ZDHHC20: variants seen among roughly 807,000 people sequenced by gnomAD.
The protein encoded by ZDHHC20 is zDHHC palmitoyltransferase 20.
ZDHHC20 carries 43 observed loss-of-function variants against 57.8 expected under a neutral mutation model. The observed-to-expected ratio is 0.74, with a 90% confidence interval of 0.58 to 0.96. ZDHHC20 has a LOEUF of 0.96. ZDHHC20 is among the 40% of genes least tolerant of loss of function. The pLI is 0.00. For synonymous variants in ZDHHC20, 157 were observed against 153.0 expected (o/e 1.03, Z -0.19); for missense variants, 391 against 441.1 (o/e 0.89, Z 1.02).
chr13:21,433,707 C>T (rs942344720), intron 1 of ZDHHC20, among the ~76,000 whole-genome samples: 1 of 152,114 alleles, frequency 6.6e-6, no homozygotes, highest in African/African-American at 2.4e-5. Context: ...CTGGCTGATG[C>T]CTGGATTTTG....
intron 4 of ZDHHC20, among the ~76,000 whole-genome samples, chr13:21,408,112 TG>T (rs1878710199): frequency 1.3e-5 from 2 of 152,212 alleles, no homozygotes; most frequent in South Asian, 4.1e-4. Context: ...GCTCTTTTTT[TG>T]GTTCCACATG....
At chr13:21,427,834 CAAAAAAAAA>C (rs755599024) in intron 1 of ZDHHC20, among the ~76,000 whole-genome samples, 1 of 92,526 alleles carries the variant, frequency 1.1e-5, no homozygotes, top group African/African-American at 4.7e-5. Context: ...GACTCTGTTT[CAAAAAAAAA>C]AAAAAAAAAA....
intron 1 of ZDHHC20, among the ~76,000 whole-genome samples, chr13:21,439,196 G>A (rs1004570073): frequency 4.6e-5 from 7 of 152,190 alleles, no homozygotes; most frequent in Admixed American, 2.6e-4. Context: ...CTAAATTGAG[G>A]AACATTTACA....
chr13:21,427,974 C>A (rs1881468404), intron 1 of ZDHHC20, among the ~76,000 whole-genome samples: 1 of 151,928 alleles, frequency 6.6e-6, no homozygotes, highest in African/African-American at 2.4e-5. Context: ...TCATAACACC[C>A]CTGACACTTG....
chr13:21,424,388 C>G (rs549973290), intron 2 of ZDHHC20, among the ~76,000 whole-genome samples: 9 of 152,150 alleles, frequency 5.9e-5, no homozygotes, highest in African/African-American at 1.9e-4. Flanking sequence ...TAAAAACAAA[C>G]AAGCTAACAA....
At chr13:21,421,488 T>C (rs548855910) in intron 2 of ZDHHC20, among the ~76,000 whole-genome samples, 1 of 152,338 alleles carries the variant, frequency 6.6e-6, no homozygotes, top group African/African-American at 2.4e-5. Flanking sequence ...AAAGCTCATT[T>C]TAAATGACTT....
intron 7 of ZDHHC20, among the ~76,000 whole-genome samples, chr13:21,395,962 T>C (rs1876721247): frequency 6.6e-6 from 1 of 152,142 alleles, no homozygotes; most frequent in African/African-American, 2.4e-5. Context: ...GATCCCACAC[T>C]GAGAACCACC....
At chr13:21,387,824 A>G (rs1487151768) in intron 8 of ZDHHC20, among the ~76,000 whole-genome samples, 190 bp from the exon 9 acceptor site, 2 of 152,202 alleles carry the variant, frequency 1.3e-5, no homozygotes, top group Non-Finnish European at 2.9e-5. Flanking sequence ...AGCACATTTA[A>G]TATTTCATCA....
chr13:21,393,729 A>G lies in ZDHHC20; in HGVS notation c.595-1875T>C, dbSNP rs1412558357. ...AAAAAAAAAAAAAAAAAAAAAAAAAAGGTACAAGGTCTCACTAAGGCACCA... is the reference window on the plus strand; with the variant it reads ...AAAAAAAAAAAAAAAAAAAAAAAAAGGGTACAAGGTCTCACTAAGGCACCA... On this transcript the variant is annotated intron_variant, in intron 7 of 12. Transcript: ENST00000400590. Among the ~76,000 whole-genome samples, 14 of 138,926 alleles carry G rather than the reference A, an allele frequency of 1.0e-4. 1 individual carries two copies. Among genetic ancestry groups the G allele is most frequent in the Admixed American group, 5.8e-4 (8 of 13,834 alleles). 91.1% of individuals were successfully genotyped at this position (138,926 alleles called of 152,430 possible).
chr13:21,400,369 T>C lies in ZDHHC20; in HGVS notation c.594+4A>G. On this transcript the variant is annotated splice_donor_region_variant and intron_variant, in intron 7 of 12. Coordinates refer to ENST00000400590, the MANE Select transcript of ZDHHC20 (RefSeq NM_001330059.2). The stretch of plus-strand genomic sequence containing the variant: ...CATGTTTCAAGATAGAAAAAAAGAC[T>C]TACCGTCCAAAATTTTATAAAGTAC... The C allele has an allele frequency of 6.3e-7, 1 of 1,579,572 alleles. No individual in the cohort carries two copies. The highest frequency in any genetic ancestry group is 1.2e-5 in the South Asian group (1 of 82,222).
chr13:21,432,874 A>G (rs1882134012), intron 1 of ZDHHC20, among the ~76,000 whole-genome samples: 1 of 152,222 alleles, frequency 6.6e-6, no homozygotes, highest in African/African-American at 2.4e-5. Context: ...TGTTAGTTGA[A>G]ATAACTATTT....
At chr13:21,416,665 G>GA (rs1297742950) in intron 3 of ZDHHC20, among the ~76,000 whole-genome samples, 3 of 152,204 alleles carry the variant, frequency 2.0e-5, no homozygotes, top group Admixed American at 6.5e-5. Flanking sequence ...AGATATCAAT[G>GA]AAAGTTTCTT....
intron 1 of ZDHHC20, among the ~76,000 whole-genome samples, chr13:21,455,633 GGTGTGTGTGTGTGTGTGT>G (rs3070118): frequency 0.029 from 4,275 of 148,184 alleles, 188 homozygotes; most frequent in African/African-American, 0.096. Flanking sequence ...CCAGTGAAGT[GGTGTGTGTGTGTGTGTGT>G]GTGTGTGTGT....
intron 7 of ZDHHC20, among the ~76,000 whole-genome samples, chr13:21,397,610 G>A (rs1236482423): frequency 1.3e-5 from 2 of 151,998 alleles, no homozygotes; most frequent in African/African-American, 2.4e-5. Context: ...GCAGTGAGCC[G>A]TGATCGCACC....
At chr13:21,410,749 T>C (rs1007993524) in intron 4 of ZDHHC20, among the ~76,000 whole-genome samples, 1 of 152,222 alleles carries the variant, frequency 6.6e-6, no homozygotes, top group African/African-American at 2.4e-5. Context: ...TTCAGACTGC[T>C]GTGCTGGCAG....
intron 1 of ZDHHC20, among the ~76,000 whole-genome samples, chr13:21,431,399 C>T (rs896634472): frequency 2.0e-5 from 3 of 152,172 alleles, no homozygotes; most frequent in African/African-American, 7.2e-5. Flanking sequence ...GGGTCCCTCC[C>T]ACAACACAGG....
At chr13:21,395,628 A>G (rs2137760226) in intron 7 of ZDHHC20, among the ~76,000 whole-genome samples, 1 of 151,174 alleles carries the variant, frequency 6.6e-6, no homozygotes, top group African/African-American at 2.4e-5. Context: ...CAGCCTCCCA[A>G]GTAGCTGGGA....
intron 11 of ZDHHC20, among the ~76,000 whole-genome samples, chr13:21,379,101 A>G (rs1042804596): frequency 6.6e-6 from 1 of 152,180 alleles, no homozygotes; most frequent in Non-Finnish European, 1.5e-5. Flanking sequence ...GACCTTATAC[A>G]AAAGATGTAA....
At chr13:21,447,316 C>G (rs1434051889) in intron 1 of ZDHHC20, among the ~76,000 whole-genome samples, 1 of 150,546 alleles carries the variant, frequency 6.6e-6, no homozygotes, top group Non-Finnish European at 1.5e-5. Context: ...CCCTCTCCCT[C>G]TCCCCACGGT....
Sources: allele counts gnomAD v4.1 joint callset (sites outside exome capture counted in the v4.1 genomes callset), GRCh38; gene constraint gnomAD v4.1.1; transcripts MANE v1.5; gene names NCBI Gene and HGNC (gene_info 2026-07-23, HGNC 2026-07-21).